UBE2G1: variants seen among roughly 807,000 people sequenced by gnomAD.
UBE2G1 encodes ubiquitin conjugating enzyme E2 G1, also known as ubiquitin-conjugating enzyme E2 G1.
A neutral mutation model predicts 22.7 loss-of-function variants in UBE2G1; 5 were observed. The observed-to-expected ratio is 0.22, with a 90% CI of 0.12 to 0.46. The LOEUF is 0.46. UBE2G1 is among the 20% of genes least tolerant of loss of function. UBE2G1 has a pLI of 0.99. For missense variants in UBE2G1, 88 were observed against 203.9 expected, an observed-to-expected ratio of 0.43 and a Z score of 3.46; for synonymous variants, 74 against 67.5, an observed-to-expected ratio of 1.10 and a Z score of -0.47.
chr17:4,333,549 T>C (rs1969608237), intron 1 of UBE2G1, among the ~76,000 whole-genome samples: 1 of 151,828 alleles, frequency 6.6e-6, no homozygotes, highest in African/African-American at 2.4e-5. Flanking sequence ...TGGCCAGGTG[T>C]GGTGGCTCAC....
At chr17:4,290,998 A>G (rs1969030823) in intron 3 of UBE2G1, among the ~76,000 whole-genome samples, 1 of 152,082 alleles carries the variant, frequency 6.6e-6, no homozygotes, top group Non-Finnish European at 1.5e-5. Flanking sequence ...TTCTATAATT[A>G]AGGTTCCTCT....
chr17:4,284,783 T>C (rs1008327735), intron 4 of UBE2G1, among the ~76,000 whole-genome samples: 1 of 151,610 alleles, frequency 6.6e-6, no homozygotes, highest in East Asian at 1.9e-4. Context: ...ACCATTTGTT[T>C]TTTTCCCCCC....
intron 1 of UBE2G1, among the ~76,000 whole-genome samples, chr17:4,345,134 A>G (rs938814542): frequency 2.0e-5 from 3 of 152,198 alleles, no homozygotes; most frequent in African/African-American, 7.2e-5. Context: ...CCAAATGGGC[A>G]GCCAGAAATA....
At chr17:4,347,224 G>A (rs1218205994) in intron 1 of UBE2G1, among the ~76,000 whole-genome samples, 1 of 152,036 alleles carries the variant, frequency 6.6e-6, no homozygotes, top group African/African-American at 2.4e-5. Flanking sequence ...AAACATTCTG[G>A]ATTTCAGATT....
At chr17:4,350,759 G>C (rs1003201380) in intron 1 of UBE2G1, among the ~76,000 whole-genome samples, 1 of 152,196 alleles carries the variant, frequency 6.6e-6, no homozygotes, top group Admixed American at 6.5e-5. Context: ...GAGGCTGGAC[G>C]TGTTGGCTCA....
intron 1 of UBE2G1, among the ~76,000 whole-genome samples, chr17:4,363,827 CTG>C (rs1969996711): frequency 6.6e-6 from 1 of 151,654 alleles, no homozygotes; most frequent in Admixed American, 6.6e-5. Flanking sequence ...TGGCGGGCGC[CTG>C]TAGTCCCAGC....
At chr17:4,365,893 AAGGT>A (rs1970028189) in intron 1 of UBE2G1, among the ~76,000 whole-genome samples, 2 of 151,984 alleles carry the variant, frequency 1.3e-5, no homozygotes, top group South Asian at 4.1e-4. Context: ...GCCGGCCCCG[AAGGT>A]CCGGCGGCCC....
At chr17:4,281,511 C>T (rs1190211066) in intron 5 of UBE2G1, among the ~76,000 whole-genome samples, 2 of 152,100 alleles carry the variant, frequency 1.3e-5, no homozygotes, top group Admixed American at 1.3e-4. Context: ...ATTTTTCAGA[C>T]AGTGTATTTC....
intron 1 of UBE2G1, among the ~76,000 whole-genome samples, chr17:4,318,706 C>T (rs896946410): frequency 6.6e-6 from 1 of 152,178 alleles, no homozygotes; most frequent in African/African-American, 2.4e-5. Flanking sequence ...AGTTTCCCCT[C>T]GAATACACCA....
intron 5 of UBE2G1, among the ~76,000 whole-genome samples, chr17:4,278,984 A>G (rs1968852106): frequency 6.6e-6 from 1 of 152,140 alleles, no homozygotes; most frequent in Admixed American, 6.5e-5. Flanking sequence ...GAAAAATACA[A>G]AAGCCCATGG....
intron 5 of UBE2G1, among the ~76,000 whole-genome samples, chr17:4,281,184 G>A (rs966605649): frequency 2.6e-5 from 4 of 152,146 alleles, no homozygotes; most frequent in African/African-American, 7.2e-5. Flanking sequence ...ATAAGGAGTA[G>A]AGCGGTAATT....
chr17:4,298,690 G>T (rs1969138990), intron 2 of UBE2G1, among the ~76,000 whole-genome samples: 1 of 152,140 alleles, frequency 6.6e-6, no homozygotes, highest in African/African-American at 2.4e-5. Context: ...AAGGGTTAAA[G>T]AACAGGGTAG....
chr17:4,342,584 G>GA (rs1393949613), intron 1 of UBE2G1, among the ~76,000 whole-genome samples: 2 of 152,092 alleles, frequency 1.3e-5, no homozygotes, highest in African/African-American at 2.4e-5. Context: ...CTGCCTCAAA[G>GA]AAAAAGAAAA....
In UBE2G1 at chr17:4,272,069, A is replaced by AG. The variant is rs1368166607; in HGVS notation, c.*484dup. On this transcript the variant is annotated 3_prime_UTR_variant, in exon 6 of 6. Transcript: ENST00000396981. ...AGTTTAATGAAGCCTCAAGGGTTTAAGGGAAATTAAATGGAAACTTTTAAT... is the reference window on the plus strand; with the variant it reads ...AGTTTAATGAAGCCTCAAGGGTTTAAGGGGAAATTAAATGGAAACTTTTAAT... 1 of 152,548 alleles carries AG rather than the reference A, an allele frequency of 6.6e-6. No individual in the cohort carries two copies. The highest frequency in any genetic ancestry group is 2.4e-5 in the African/African-American group (1 of 41,458). The allele number at this position is 152,548 out of a possible 1,614,324, so 9.4% of individuals were successfully genotyped here.
At chr17:4,311,920 T>C (rs927978073) in intron 1 of UBE2G1, among the ~76,000 whole-genome samples, 2 of 152,186 alleles carry the variant, frequency 1.3e-5, no homozygotes, top group Admixed American at 6.5e-5. Flanking sequence ...TGGTATTAAA[T>C]GCCTTTTGTT....
intron 5 of UBE2G1, among the ~76,000 whole-genome samples, chr17:4,273,521 T>C (rs1968784550): frequency 6.6e-6 from 1 of 152,080 alleles, no homozygotes; most frequent in Admixed American, 6.6e-5. Flanking sequence ...TTAATTTTTT[T>C]TTGTAGAAAC....
intron 1 of UBE2G1, among the ~76,000 whole-genome samples, chr17:4,340,902 AAAAAAAAAAAC>A (rs1969704155): frequency 6.7e-6 from 1 of 150,336 alleles, no homozygotes; most frequent in African/African-American, 2.5e-5. Context: ...TTTAAAAAAA[AAAAAAAAAAAC>A]AAAACCTTCA....
chr17:4,298,536 G>A lies in UBE2G1; in HGVS notation c.150-1722C>T, dbSNP rs1042865456. 2.0e-5 allele frequency among the ~76,000 whole-genome samples: 3 copies of A among 152,240 alleles called. No homozygotes were observed. In the East Asian group the frequency reaches 5.8e-4, roughly 29 times the overall value. On this transcript the variant is annotated intron_variant, in intron 2 of 5. Transcript: ENST00000396981. The stretch of plus-strand genomic sequence containing the variant: ...TCTGATCATAAGACATGGGGAAGGT[G>A]CAGATTAAGTTTAAAAAAAGAGACA...
intron 2 of UBE2G1, chr17:4,301,554 T>C (rs988884351): frequency 1.6e-4 from 213 of 1,336,278 alleles, no homozygotes; most frequent in Non-Finnish European, 2.0e-4. Context: ...TGCCTGGTAT[T>C]CTTGGCCCAA....
Sources: gnomAD v4.1 joint callset for allele counts (sites outside exome capture counted in the v4.1 genomes callset) on GRCh38, gnomAD v4.1.1 for gene constraint, MANE v1.5 for transcripts, NCBI Gene and HGNC (gene_info 2026-07-23, HGNC 2026-07-21) for gene names.